The following DPP6 variants were observed in gnomAD, a reference collection of about 807,000 sequenced individuals.
DPP6 encodes the protein A-type potassium channel modulatory protein DPP6.
In DPP6, 69 loss-of-function variants were observed where a neutral mutation model predicts 122.6. That is an observed-to-expected ratio of 0.56 (90% CI 0.46 to 0.69). The LOEUF (loss-of-function observed/expected upper bound fraction) is 0.69. Among genes scored for constraint, DPP6 ranks in the 30% least tolerant of loss-of-function variants. The pLI is 0.00. For missense variants in DPP6, 928 were observed against 1,116.9 expected, an observed-to-expected ratio of 0.83 and a Z score of 2.41; for synonymous variants, 418 against 433.1, an observed-to-expected ratio of 0.97 and a Z score of 0.43.
intron 1 of DPP6, among the ~76,000 whole-genome samples, chr7:154,191,617 T>G (rs745679697): frequency 3.3e-5 from 5 of 152,044 alleles, no homozygotes; most frequent in African/African-American, 4.8e-5. Context: ...AGAAGATTGA[T>G]TGAATGAATG....
intron 2 of DPP6, among the ~76,000 whole-genome samples, chr7:154,464,699 G>A (rs1469660326): frequency 6.6e-6 from 1 of 152,162 alleles, no homozygotes; most frequent in Non-Finnish European, 1.5e-5. Context: ...TTGGTCTATT[G>A]ATATTGGGAC....
chr7:153,870,351 T>C, the DPP6 span, among the ~76,000 whole-genome samples: 1 of 152,236 alleles, frequency 6.6e-6, no homozygotes, highest in Admixed American at 6.5e-5. Flanking sequence ...TGTTTGTTTC[T>C]TTTTATTCTT....
In DPP6 at chr7:154,815,051, C is replaced by T. The variant is rs199819584; in HGVS notation, c.1666+7939C>T. ...GGGACACCATTAATTAAACCCACAA[C>T]ACTTCCCTTCTAAGGACTGCATTGC... On this transcript the variant is annotated intron_variant, in intron 16 of 25. Transcript: ENST00000377770. Among the ~76,000 whole-genome samples the T allele has an allele frequency of 5.9e-5, 9 of 152,324 alleles. No individual in the cohort carries two copies. The East Asian group carries it at 1.7e-3, about 29-fold the overall frequency.
intron 14 of DPP6, among the ~76,000 whole-genome samples, 200 bp downstream of exon 14, chr7:154,804,155 T>C (rs1798551547): frequency 6.6e-6 from 1 of 152,202 alleles, no homozygotes; most frequent in South Asian, 2.1e-4. Context: ...AGCTGCGGCG[T>C]CCTGAGGACG....
Position 154,637,874 on chromosome 7 carries a change from G to A in DPP6, c.680+1G>A. ...ACGTCCTGAGCAAAATTCCTCATGG[G>A]TAAGAGTGTTCTTTTCTTTCTTTTA... On this transcript the variant is annotated splice_donor_variant, in intron 6 of 25. Transcript: ENST00000377770. LOFTEE classifies it high-confidence loss of function. 6.4e-7 allele frequency: 1 copy of A among 1,572,068 alleles called. No individual in the cohort carries two copies. The highest frequency in any genetic ancestry group is 8.6e-7 in the Non-Finnish European group (1 of 1,156,634).
intron 1 of DPP6, among the ~76,000 whole-genome samples, chr7:153,915,095 A>G (rs1320928603): frequency 6.6e-6 from 1 of 152,172 alleles, no homozygotes; most frequent in African/African-American, 2.4e-5. Flanking sequence ...TCTTTCTTAT[A>G]AGTGAGTGTC....
Position 154,684,596 on chromosome 7 carries a change from C to G in DPP6, c.762+15155C>G, listed in dbSNP as rs77141459. 7.5e-3 allele frequency among the ~76,000 whole-genome samples: 1,136 copies of G among 152,326 alleles called. 10 individuals carry two copies. Among genetic ancestry groups the G allele is most frequent in the Non-Finnish European group, 0.013 (895 of 68,034 alleles). On this transcript the variant is annotated intron_variant, in intron 7 of 25. Transcript: ENST00000377770. ...CTGACCTTTCATCTCTAGCCACACC[C>G]TGTGGCATCCTCCTTTAAATTTTAG...
At chr7:153,996,917 T>C (rs1368156998) in intron 1 of DPP6, among the ~76,000 whole-genome samples, 5 of 152,194 alleles carry the variant, frequency 3.3e-5, no homozygotes, top group Admixed American at 3.3e-4. Flanking sequence ...TGTTTGGAGT[T>C]ACCCCCATCA....
chr7:154,209,967 G>C (rs1176827274), intron 1 of DPP6, among the ~76,000 whole-genome samples: 1 of 152,162 alleles, frequency 6.6e-6, no homozygotes, highest in Non-Finnish European at 1.5e-5. Flanking sequence ...TTCCAGGAGA[G>C]ACATCCAAGT....
intron 1 of DPP6, among the ~76,000 whole-genome samples, chr7:154,244,491 C>A (rs1801845543): frequency 6.6e-6 from 1 of 152,076 alleles, no homozygotes; most frequent in Non-Finnish European, 1.5e-5. Context: ...ATTAGAAAAT[C>A]TATGTGTGTT....
At chr7:153,964,205 A>G (rs1795513238) in intron 1 of DPP6, among the ~76,000 whole-genome samples, 1 of 152,050 alleles carries the variant, frequency 6.6e-6, no homozygotes. Flanking sequence ...CATGTTGATC[A>G]AGCTGATCTC....
chr7:154,633,054 T>C (rs1293214503), intron 5 of DPP6, among the ~76,000 whole-genome samples: 1 of 152,204 alleles, frequency 6.6e-6, no homozygotes, highest in African/African-American at 2.4e-5. Flanking sequence ...CTTTATTCAT[T>C]TTCCAGGAGA....
the DPP6 span, among the ~76,000 whole-genome samples, chr7:153,815,528 C>T: frequency 6.6e-6 from 1 of 151,890 alleles, no homozygotes; most frequent in Non-Finnish European, 1.5e-5. Flanking sequence ...GTCCCCCCAC[C>T]CCACAGCAGT....
the DPP6 span, among the ~76,000 whole-genome samples, chr7:153,783,014 G>A: frequency 6.6e-6 from 1 of 152,172 alleles, no homozygotes; most frequent in Non-Finnish European, 1.5e-5. Flanking sequence ...CAGGTGATGT[G>A]CTGAGAGTTA....
intron 1 of DPP6, among the ~76,000 whole-genome samples, chr7:154,438,505 A>G (rs1162455019): frequency 2.0e-5 from 3 of 151,326 alleles, no homozygotes; most frequent in Admixed American, 6.6e-5. Flanking sequence ...AAAGAAAAGA[A>G]AAAAAGAAAT....
intron 17 of DPP6, among the ~76,000 whole-genome samples, chr7:154,861,199 A>ACAC (rs1803361766): frequency 6.6e-6 from 1 of 152,198 alleles, no homozygotes; most frequent in South Asian, 2.1e-4. Context: ...AAGACAGAGG[A>ACAC]CACTGGGCCA....
chr7:154,795,169 G>A (rs1446926060), intron 11 of DPP6, among the ~76,000 whole-genome samples: 4 of 152,138 alleles, frequency 2.6e-5, no homozygotes, highest in Non-Finnish European at 4.4e-5. Flanking sequence ...CCATGCCCCT[G>A]AGCCTTGAGT....
intron 2 of DPP6, among the ~76,000 whole-genome samples, chr7:154,469,202 A>AAC (rs144979730): frequency 6.6e-5 from 10 of 151,978 alleles, no homozygotes; most frequent in South Asian, 4.2e-4. Flanking sequence ...GAGAAAGTAA[A>AAC]ACACACACAC....
chr7:154,176,551 T>C (rs1220677186), intron 1 of DPP6, among the ~76,000 whole-genome samples: 2 of 152,254 alleles, frequency 1.3e-5, no homozygotes, highest in Non-Finnish European at 2.9e-5. Flanking sequence ...GTGTGTGTTT[T>C]CACTATATGT....
Sources: gnomAD v4.1 joint callset for allele counts (sites outside exome capture counted in the v4.1 genomes callset) on GRCh38, gnomAD v4.1.1 for gene constraint, MANE v1.5 for transcripts, NCBI Gene and HGNC (gene_info 2026-07-23, HGNC 2026-07-21) for gene names.